Variants in PARD3 observed in about 807,000 individuals in gnomAD.
PARD3 encodes the protein partitioning defective 3 homolog.
In PARD3, 75 loss-of-function variants were observed where a neutral mutation model predicts 155.4. That is an observed-to-expected ratio of 0.48 (90% CI 0.40 to 0.58). The LOEUF (loss-of-function observed/expected upper bound fraction) is 0.58. Among genes scored for constraint, PARD3 ranks in the 20% least tolerant of loss-of-function variants. The probability of loss-of-function intolerance (pLI) is 0.00; values close to 1 mark genes in which losing one functional copy is unlikely to be tolerated. For synonymous variants in PARD3, 576 were observed against 610.5 expected, an observed-to-expected ratio of 0.94 and a Z score of 0.83; for missense variants, 1,642 against 1,721.7, an observed-to-expected ratio of 0.95 and a Z score of 0.82.
intron 2 of PARD3, among the ~76,000 whole-genome samples, chr10:34,658,535 A>G (rs2093242993): frequency 1.3e-5 from 2 of 152,010 alleles, no homozygotes; most frequent in Admixed American, 6.6e-5. Context: ...GCTGGGGCTG[A>G]GGCTGAGGCT....
At chr10:34,444,561 G>A (rs1022877943) in intron 5 of PARD3, among the ~76,000 whole-genome samples, 1 of 152,168 alleles carries the variant, frequency 6.6e-6, no homozygotes, top group Admixed American at 6.5e-5. Context: ...CTTGTGAGAT[G>A]ACTCTGATGT....
At chr10:34,449,244 T>C (rs1025879779) in intron 5 of PARD3, among the ~76,000 whole-genome samples, 6 of 152,104 alleles carry the variant, frequency 3.9e-5, no homozygotes, top group African/African-American at 1.2e-4. Flanking sequence ...GTGGTAATCA[T>C]TGTATTAATA....
intron 1 of PARD3, among the ~76,000 whole-genome samples, chr10:34,777,697 ATT>A (rs879287108): frequency 5.5e-5 from 8 of 144,352 alleles, no homozygotes; most frequent in African/African-American, 1.0e-4. Flanking sequence ...CAGTCAGCTA[ATT>A]TTTTTTTTTT....
intron 14 of PARD3, 71 bp downstream of exon 14, chr10:34,359,076 T>A: frequency 8.1e-7 from 1 of 1,232,398 alleles, no homozygotes; most frequent in Non-Finnish European, 1.2e-6. Flanking sequence ...CTAATACCCT[T>A]TGCCCAAAAT....
At chr10:34,354,239 G>T (rs1838530031) in intron 14 of PARD3, among the ~76,000 whole-genome samples, 1 of 152,004 alleles carries the variant, frequency 6.6e-6, no homozygotes, top group African/African-American at 2.4e-5. Flanking sequence ...TTAGCTGGGC[G>T]TGGTGGTGGG....
At chr10:34,632,273 A>G (rs1260489606) in intron 2 of PARD3, among the ~76,000 whole-genome samples, 1 of 152,198 alleles carries the variant, frequency 6.6e-6, no homozygotes, top group East Asian at 1.9e-4. Context: ...AGAGGACCTC[A>G]GCAGTGGACT....
At chr10:34,750,178 G>A (rs1252565050) in intron 1 of PARD3, among the ~76,000 whole-genome samples, 1 of 151,550 alleles carries the variant, frequency 6.6e-6, no homozygotes. Flanking sequence ...AATAAAAGCA[G>A]AAAATTCGCA....
At chr10:34,183,382 AG>A (rs1238569634) in intron 22 of PARD3, among the ~76,000 whole-genome samples, 1 of 152,224 alleles carries the variant, frequency 6.6e-6, no homozygotes, top group Non-Finnish European at 1.5e-5. Context: ...GCAGATAGAA[AG>A]GGTAAAAGGA....
chr10:34,270,759 A>G (rs77336930), intron 21 of PARD3, among the ~76,000 whole-genome samples: 58 of 152,312 alleles, frequency 3.8e-4, no homozygotes, highest in Non-Finnish European at 5.6e-4. Flanking sequence ...TGGGATGCAT[A>G]CAGAAATGGA....
At chr10:34,590,334 T>C (rs1272709443) in intron 2 of PARD3, among the ~76,000 whole-genome samples, 1 of 152,254 alleles carries the variant, frequency 6.6e-6, no homozygotes. Context: ...ATCTAATTGC[T>C]TTTCAGAATA....
At chr10:34,472,524 C>G (rs1211851438) in intron 3 of PARD3, among the ~76,000 whole-genome samples, 5 of 152,136 alleles carry the variant, frequency 3.3e-5, no homozygotes, top group Non-Finnish European at 7.4e-5. Context: ...CAGGAAAACT[C>G]TAAAAACTTT....
chr10:34,411,447 T>A (rs1483583315), intron 5 of PARD3, among the ~76,000 whole-genome samples: 1 of 151,904 alleles, frequency 6.6e-6, no homozygotes, highest in Non-Finnish European at 1.5e-5. Flanking sequence ...TGGGTGAGCA[T>A]CATCCAATCA....
At chr10:34,807,494 C>G (rs1288782270) in intron 1 of PARD3, among the ~76,000 whole-genome samples, 1 of 152,102 alleles carries the variant, frequency 6.6e-6, no homozygotes, top group Non-Finnish European at 1.5e-5. Context: ...AAAAGGAAAC[C>G]TCATACCCAT....
chr10:34,130,818 T>G (rs1034530702), intron 23 of PARD3, among the ~76,000 whole-genome samples: 1 of 152,156 alleles, frequency 6.6e-6, no homozygotes, highest in African/African-American at 2.4e-5. Flanking sequence ...CCTGACACTT[T>G]GGGAGACTGA....
chr10:34,607,107 C>A (rs901483111), intron 2 of PARD3, among the ~76,000 whole-genome samples: 3 of 152,036 alleles, frequency 2.0e-5, no homozygotes, highest in Non-Finnish European at 4.4e-5. Context: ...TCTTTGGGGG[C>A]CCATCTAAGT....
intron 22 of PARD3, among the ~76,000 whole-genome samples, chr10:34,242,401 T>C (rs1011641258): frequency 3.3e-5 from 5 of 152,008 alleles, no homozygotes; most frequent in Non-Finnish European, 5.9e-5. Flanking sequence ...TGAGAGGACA[T>C]CCGTAAAAGG....
At chr10:34,143,656 T>A (rs1409474339) in intron 22 of PARD3, among the ~76,000 whole-genome samples, 1 of 152,162 alleles carries the variant, frequency 6.6e-6, no homozygotes, top group African/African-American at 2.4e-5. Context: ...TAATTCTAAA[T>A]CATGGCTAAA....
At chr10:34,259,720 C>T (rs1404344995) in intron 22 of PARD3, among the ~76,000 whole-genome samples, 4 of 152,154 alleles carry the variant, frequency 2.6e-5, no homozygotes, top group African/African-American at 9.7e-5. Flanking sequence ...CAATCTACAT[C>T]AAATGTATTA....
intron 17 of PARD3, among the ~76,000 whole-genome samples, chr10:34,336,528 A>C (rs895315936): frequency 2.0e-5 from 3 of 152,196 alleles, no homozygotes; most frequent in African/African-American, 7.2e-5. Context: ...TGCGTATGAT[A>C]AATTAATGCT....
Sources: gnomAD v4.1 joint callset for allele counts (sites outside exome capture counted in the v4.1 genomes callset) on GRCh38, gnomAD v4.1.1 for gene constraint, MANE v1.5 for transcripts, NCBI Gene and HGNC (gene_info 2026-07-23, HGNC 2026-07-21) for gene names.